The following MEI4 variants were observed in gnomAD, a reference collection of about 807,000 sequenced individuals.
The protein encoded by MEI4 is meiotic double-stranded break formation protein 4.
MEI4 carries 27 observed loss-of-function variants against 31.4 expected under a neutral mutation model. That is an observed-to-expected ratio of 0.86 (90% CI 0.63 to 1.19). The LOEUF (loss-of-function observed/expected upper bound fraction) is 1.19. Ranked by LOEUF, MEI4 falls within the 50% of genes most tolerant of loss-of-function variation. The pLI, the probability that MEI4 is intolerant of heterozygous loss-of-function variation, is 0.00. For synonymous variants in MEI4, 122 were observed against 145.4 expected (o/e 0.84, Z 1.16); for missense variants, 329 against 398.9 (o/e 0.82, Z 1.49).
chr6:77,761,317 T>C lies in MEI4; in HGVS notation c.420T>C (p.Cys140=). The change falls in exon 3 of 5, where the codon TGT becomes TGC. Residue 140 remains cysteine, a synonymous_variant. Transcript: ENST00000684080. ...CACTGCCTCTTGTGAAAAGACCTTGTGCTATCCTGCAAAATCCTTTGTCTT... is the reference window on the plus strand; with the variant it reads ...CACTGCCTCTTGTGAAAAGACCTTGCGCTATCCTGCAAAATCCTTTGTCTT... ...FPPLPLVKRP[C]AILQNPLSSH... The C allele has an allele frequency of 8.1e-7, 1 of 1,232,620 alleles. No homozygotes were observed. The highest frequency in any genetic ancestry group is 1.5e-5 in the African/African-American group (1 of 64,554). The allele number at this position is 1,232,620 out of a possible 1,614,324, so 76.4% of individuals were successfully genotyped here.
intron 4 of MEI4, among the ~76,000 whole-genome samples, chr6:77,844,206 T>C (rs948831835): frequency 6.6e-6 from 1 of 152,140 alleles, no homozygotes; most frequent in Non-Finnish European, 1.5e-5. Context: ...CTCATGAATC[T>C]GCATTTGTCT....
chr6:77,715,769 G>A (rs1483048), intron 2 of MEI4, among the ~76,000 whole-genome samples: 42,783 of 151,988 alleles, frequency 0.28, 6,785 homozygotes, highest in South Asian at 0.39. Context: ...TTCATAACAA[G>A]CCTATAGTTA....
intron 2 of MEI4, among the ~76,000 whole-genome samples, chr6:77,745,668 T>G (rs990461497): frequency 2.6e-5 from 4 of 152,220 alleles, no homozygotes; most frequent in African/African-American, 2.4e-5. Flanking sequence ...AGAATATACA[T>G]TTTTTTCAGC....
At chr6:77,902,385 A>C (rs1766203827) in intron 4 of MEI4, among the ~76,000 whole-genome samples, 1 of 152,080 alleles carries the variant, frequency 6.6e-6, no homozygotes, top group South Asian at 2.1e-4. Context: ...AATATCTTTA[A>C]TCAGAATTTT....
At chr6:77,822,009 A>C (rs2127708871) in intron 3 of MEI4, among the ~76,000 whole-genome samples, 1 of 152,246 alleles carries the variant, frequency 6.6e-6, no homozygotes, top group African/African-American at 2.4e-5. Context: ...TTTTGCCAGC[A>C]GAGCAACCCC....
chr6:77,699,554 C>A (rs575379009), intron 2 of MEI4, among the ~76,000 whole-genome samples: 1 of 152,254 alleles, frequency 6.6e-6, no homozygotes, highest in Non-Finnish European at 1.5e-5. Context: ...GTGGTTTGAT[C>A]GTCTGAAGCC....
intron 2 of MEI4, among the ~76,000 whole-genome samples, chr6:77,743,597 C>T (rs1767483620): frequency 6.6e-6 from 1 of 152,180 alleles, no homozygotes; most frequent in South Asian, 2.1e-4. Context: ...CCCTGTCTGT[C>T]AGCTTTGAAG....
chr6:77,851,695 A>G (rs1387405460), intron 4 of MEI4, among the ~76,000 whole-genome samples: 1 of 151,728 alleles, frequency 6.6e-6, no homozygotes, highest in Non-Finnish European at 1.5e-5. Context: ...TGACGAATTA[A>G]TGGATGCGGC....
chr6:77,711,633 G>A (rs141629153), intron 2 of MEI4, among the ~76,000 whole-genome samples: 180 of 152,278 alleles, frequency 1.2e-3, no homozygotes, highest in Non-Finnish European at 2.3e-3. Flanking sequence ...GCACAGCTGG[G>A]TTTGGACTTG....
intron 2 of MEI4, among the ~76,000 whole-genome samples, chr6:77,737,955 G>C (rs1398579): frequency 0.81 from 123,162 of 152,120 alleles, 50,116 homozygotes; most frequent in East Asian, 0.95. Flanking sequence ...TAGTAGCAAG[G>C]AAGGAAAGCT....
intron 4 of MEI4, among the ~76,000 whole-genome samples, chr6:77,845,327 G>A (rs1446543832): frequency 6.6e-6 from 1 of 152,072 alleles, no homozygotes; most frequent in Non-Finnish European, 1.5e-5. Context: ...ATTTTTCAGA[G>A]AGTTCTCTTT....
chr6:77,736,618 G>A lies in MEI4; in HGVS notation c.233-24512G>A, dbSNP rs140667060. On this transcript the variant is annotated intron_variant, in intron 2 of 4. Coordinates refer to ENST00000684080, the MANE Select transcript of MEI4 (RefSeq NM_001322247.2). ...TTCTGCGTCGCTCATGCTGGGAGCT[G>A]TAGACCGGAGCTGTTCCTATTCGGC... Among the ~76,000 whole-genome samples the A allele has an allele frequency of 1.2e-3, 183 of 152,234 alleles. 3 individuals carry two copies. In the East Asian group the frequency reaches 0.028, roughly 24 times the overall value.
chr6:77,831,750 G>A (rs1004137034), intron 4 of MEI4, among the ~76,000 whole-genome samples: 4 of 151,842 alleles, frequency 2.6e-5, no homozygotes, highest in Non-Finnish European at 5.9e-5. Context: ...GTTACCAGAG[G>A]CAGGGAAGGG....
intron 4 of MEI4, among the ~76,000 whole-genome samples, chr6:77,839,004 C>A (rs1406109853): frequency 6.6e-6 from 1 of 151,858 alleles, no homozygotes; most frequent in African/African-American, 2.4e-5. Flanking sequence ...CTGCGGAATA[C>A]GTTTCTCATT....
chr6:77,674,252 A>C (rs1049747188), intron 1 of MEI4, among the ~76,000 whole-genome samples: 2 of 152,170 alleles, frequency 1.3e-5, no homozygotes, highest in African/African-American at 4.8e-5. Flanking sequence ...AAGATTATTC[A>C]ATTATTCTAA....
Position 77,711,437 on chromosome 6 carries a change from C to T in MEI4, c.232+20534C>T, listed in dbSNP as rs373813683. ...ATTTGTCACTGGTACTTTATAAAGC[C>T]GGAAAGAGAAAGAGAATGGAAGGAA... On this transcript the variant is annotated intron_variant, in intron 2 of 4. Transcript: ENST00000684080. Among the ~76,000 whole-genome samples, 6 of 151,858 alleles carry T rather than the reference C, an allele frequency of 4.0e-5. No homozygotes were observed. The South Asian group carries it at 6.2e-4, about 16-fold the overall frequency.
intron 4 of MEI4, among the ~76,000 whole-genome samples, chr6:77,903,252 G>T (rs1171550528): frequency 6.6e-6 from 1 of 151,944 alleles, no homozygotes; most frequent in Non-Finnish European, 1.5e-5. Flanking sequence ...TTAAAGTAGT[G>T]TCAAAGCAAT....
chr6:77,883,742 A>ATC (rs1554172121), intron 4 of MEI4, among the ~76,000 whole-genome samples: 1 of 139,856 alleles, frequency 7.2e-6, no homozygotes, highest in African/African-American at 2.8e-5. Context: ...ATATATATAT[A>ATC]TAACTTTGTC....
intron 4 of MEI4, among the ~76,000 whole-genome samples, chr6:77,865,727 T>C (rs1244093019): frequency 7.2e-5 from 11 of 152,186 alleles, no homozygotes; most frequent in South Asian, 2.1e-4. Flanking sequence ...TAACTCATTT[T>C]ATGAGGCCAG....
Sources: gnomAD v4.1 joint callset for allele counts (sites outside exome capture counted in the v4.1 genomes callset) on GRCh38, gnomAD v4.1.1 for gene constraint, MANE v1.5 for transcripts, NCBI Gene and HGNC (gene_info 2026-07-23, HGNC 2026-07-21) for gene names.